Variants in SLC25A17 observed in about 807,000 individuals in gnomAD.
SLC25A17 encodes the protein solute carrier family 25 member 17.
Under a neutral mutation model 38.5 loss-of-function variants are expected in SLC25A17, and 26 were observed. The ratio of observed to expected loss-of-function variants is 0.68; its 90% confidence interval spans 0.50 to 0.94. The LOEUF (loss-of-function observed/expected upper bound fraction) is 0.94, where lower values mean the gene tolerates loss of function less well. SLC25A17 is among the 40% of genes least tolerant of loss of function. SLC25A17 has a pLI of 0.00. For missense variants in SLC25A17, 333 were observed against 372.7 expected, an observed-to-expected ratio of 0.89 and a Z score of 0.88; for synonymous variants, 139 against 136.2, an observed-to-expected ratio of 1.02 and a Z score of -0.14.
chr22:40,779,497 G>T, intron 4 of SLC25A17: 1 of 465,882 alleles, frequency 2.1e-6, no homozygotes, highest in Non-Finnish European at 3.8e-6. Context: ...CAGCTAACAT[G>T]CTAAGTCCAT....
At chr22:40,795,325 C>G (rs1360394834) in intron 2 of SLC25A17, among the ~76,000 whole-genome samples, 2 of 151,710 alleles carry the variant, frequency 1.3e-5, no homozygotes, top group Admixed American at 1.3e-4. Context: ...CGGAGTCTCG[C>G]TCTGTCACCC....
chr22:40,781,708 A>AT (rs2057296313), intron 4 of SLC25A17, among the ~76,000 whole-genome samples: 1 of 152,104 alleles, frequency 6.6e-6, no homozygotes, highest in African/African-American at 2.4e-5. Flanking sequence ...ATGGAGGAGT[A>AT]TTTTTTAACC....
chr22:40,818,275 A>G (rs1240835861), intron 1 of SLC25A17, among the ~76,000 whole-genome samples: 1 of 152,150 alleles, frequency 6.6e-6, no homozygotes, highest in African/African-American at 2.4e-5. Context: ...AAGAGGAGTC[A>G]CCCAAGCCAA....
chr22:40,783,642 C>T (rs748465377), intron 4 of SLC25A17, among the ~76,000 whole-genome samples: 2 of 151,662 alleles, frequency 1.3e-5, no homozygotes, highest in African/African-American at 2.4e-5. Flanking sequence ...ATTCCCAGCA[C>T]TGAAGTTAAA....
intron 2 of SLC25A17, among the ~76,000 whole-genome samples, chr22:40,798,514 C>T (rs138377447): frequency 1.6e-3 from 236 of 152,186 alleles, no homozygotes; most frequent in African/African-American, 5.5e-3. Flanking sequence ...CTTTAGGCCC[C>T]AGTCTACCAG....
intron 1 of SLC25A17, among the ~76,000 whole-genome samples, chr22:40,801,128 C>CATATACATATAT (rs2057478289): frequency 9.9e-6 from 1 of 101,194 alleles, no homozygotes; most frequent in Non-Finnish European, 1.9e-5. Flanking sequence ...AAATATATTA[C>CATATACATATAT]ATATATATAT....
chr22:40,792,377 G>GT (rs34278791), intron 4 of SLC25A17, 148 bp downstream of exon 4: 1 of 618,892 alleles, frequency 1.6e-6, no homozygotes, highest in Non-Finnish European at 2.7e-6. Context: ...TTTATGTCAC[G>GT]TTTTTTAACA....
intron 4 of SLC25A17, 73 bp from the exon 5 acceptor site, chr22:40,779,198 C>T (rs45608735): frequency 0.014 from 22,024 of 1,609,444 alleles, 179 homozygotes; most frequent in Non-Finnish European, 0.017. Flanking sequence ...TTTAAAGCTA[C>T]ATACCAATAT....
intron 5 of SLC25A17, among the ~76,000 whole-genome samples, chr22:40,778,209 T>C (rs2057263918): frequency 6.6e-6 from 1 of 152,114 alleles, no homozygotes; most frequent in South Asian, 2.1e-4. Context: ...AATAAAAAAG[T>C]ATAGATCATT....
intron 1 of SLC25A17, among the ~76,000 whole-genome samples, chr22:40,809,928 G>A (rs1264079845): frequency 2.0e-5 from 3 of 152,074 alleles, no homozygotes; most frequent in Non-Finnish European, 4.4e-5. Flanking sequence ...AATACCTCCA[G>A]GAAGCTATAT....
chr22:40,817,709 C>G (rs963435093), intron 1 of SLC25A17, among the ~76,000 whole-genome samples: 1 of 152,140 alleles, frequency 6.6e-6, no homozygotes, highest in African/African-American at 2.4e-5. Context: ...GTCCCCTGTT[C>G]CCTTACATTC....
chr22:40,779,335 G>A (rs762949543), intron 4 of SLC25A17: 9 of 1,338,330 alleles, frequency 6.7e-6, no homozygotes, highest in Non-Finnish European at 7.9e-6. Context: ...AAAATGGCTG[G>A]CGGCAGCAGC....
At chr22:40,813,499 C>T (rs562098654) in intron 1 of SLC25A17, among the ~76,000 whole-genome samples, 1 of 152,208 alleles carries the variant, frequency 6.6e-6, no homozygotes, top group South Asian at 2.1e-4. Flanking sequence ...GATCGTGCCA[C>T]CGCACTCCAG....
intron 7 of SLC25A17, 42 bp downstream of exon 7, chr22:40,776,998 G>A (rs201424730): frequency 4.1e-5 from 62 of 1,509,366 alleles, no homozygotes; most frequent in African/African-American, 1.8e-4. Context: ...ACATGTATTC[G>A]AATGCTGTTT....
chr22:40,788,257 G>A (rs1438283744), intron 4 of SLC25A17, among the ~76,000 whole-genome samples: 11 of 152,108 alleles, frequency 7.2e-5, no homozygotes, highest in Non-Finnish European at 1.3e-4. Flanking sequence ...ATTTTTAAAT[G>A]AATCTTTTTA....
chr22:40,789,800 G>T lies in SLC25A17; in HGVS notation c.334+2725C>A, dbSNP rs544988687. Among the ~76,000 whole-genome samples the T allele has an allele frequency of 6.7e-6, 1 of 150,368 alleles. No individual in the cohort carries two copies. Among genetic ancestry groups the T allele is most frequent in the Non-Finnish European group, 1.5e-5 (1 of 67,668 alleles). ...TGGGATTACAGGCGTGAGCCACCGCGCCTGGTCTAAAATTTATTTTTTATA... is the reference window on the plus strand; with the variant it reads ...TGGGATTACAGGCGTGAGCCACCGCTCCTGGTCTAAAATTTATTTTTTATA... On this transcript the variant is annotated intron_variant, in intron 4 of 8. Coordinates refer to ENST00000435456, the MANE Select transcript of SLC25A17 (RefSeq NM_006358.4). This position sits in a 1 kb window ranked among gnomAD's most constrained non-coding sequence, Gnocchi z 4.5.
chr22:40,790,460 GA>G (rs910824046), intron 4 of SLC25A17, among the ~76,000 whole-genome samples: 24 of 137,346 alleles, frequency 1.7e-4, no homozygotes, highest in African/African-American at 5.1e-4. Flanking sequence ...ATTGAGCCCT[GA>G]AAAAAAAAAG....
At chr22:40,811,231 C>A (rs915569941) in intron 1 of SLC25A17, among the ~76,000 whole-genome samples, 2 of 149,500 alleles carry the variant, frequency 1.3e-5, no homozygotes, top group African/African-American at 5.0e-5. Flanking sequence ...CCATGATTAT[C>A]ATGTATTAAC....
intron 4 of SLC25A17, among the ~76,000 whole-genome samples, chr22:40,786,831 TG>T (rs779317909): frequency 1.3e-5 from 2 of 152,172 alleles, no homozygotes; most frequent in African/African-American, 4.8e-5. Flanking sequence ...GTGGAGCAAC[TG>T]GAAGACCAGG....
Sources: gnomAD v4.1 joint callset for allele counts (sites outside exome capture counted in the v4.1 genomes callset) on GRCh38, gnomAD v4.1.1 for gene constraint, Gnocchi (gnomAD v3.1) non-coding constraint, MANE v1.5 for transcripts, NCBI Gene and HGNC (gene_info 2026-07-23, HGNC 2026-07-21) for gene names.